Variants in SLC25A48 observed in about 807,000 individuals in gnomAD.
The protein encoded by SLC25A48 is solute carrier family 25 member 48, also known as CTC-321K16.1.
SLC25A48 carries 29 observed loss-of-function variants against 32.2 expected under a neutral mutation model. The ratio of observed to expected loss-of-function variants is 0.90; its 90% confidence interval spans 0.67 to 1.23. The LOEUF (loss-of-function observed/expected upper bound fraction) is 1.23, where lower values mean the gene tolerates loss of function less well. Ranked by LOEUF, SLC25A48 falls within the 50% of genes most tolerant of loss-of-function variation. SLC25A48 has a pLI of 0.00. For missense variants in SLC25A48, 399 were observed against 422.7 expected (o/e 0.94, Z 0.49); for synonymous variants, 164 against 172.3 (o/e 0.95, Z 0.38).
intron 3 of SLC25A48, among the ~76,000 whole-genome samples, chr5:135,757,429 TATC>T (rs913558405): frequency 2.0e-5 from 3 of 149,338 alleles, no homozygotes; most frequent in Non-Finnish European, 3.0e-5. Flanking sequence ...ATTGATAAAA[TATC>T]ATCTATATAT....
Position 135,871,867 on chromosome 5 carries a change from C to T in SLC25A48, c.679+149C>T, listed in dbSNP as rs763052219. 4 of 1,511,626 alleles carry T rather than the reference C, an allele frequency of 2.6e-6. No individual in the cohort carries two copies. In the Admixed American group the frequency reaches 6.5e-5, roughly 25 times the overall value. 93.6% of individuals were successfully genotyped at this position (1,511,626 alleles called of 1,614,324 possible). On this transcript the variant is annotated intron_variant, in intron 5 of 7. Transcript: ENST00000681962. ...ATTCTTTGTTAGGTACCTACTCTGT[C>T]CCCGGCCCTCTCCCACCTCAGTCTC...
intron 1 of SLC25A48, among the ~76,000 whole-genome samples, chr5:135,613,970 A>G (rs1322868792): frequency 6.6e-6 from 1 of 151,934 alleles, no homozygotes; most frequent in Non-Finnish European, 1.5e-5. Context: ...TTTTCTATTT[A>G]TGTGAAAAAT....
At chr5:135,590,639 G>A (rs1251635860) in intron 1 of SLC25A48, among the ~76,000 whole-genome samples, 4 of 152,158 alleles carry the variant, frequency 2.6e-5, no homozygotes, top group South Asian at 2.1e-4. Flanking sequence ...CTGGGGGACC[G>A]TAAAGCTTGA....
chr5:135,835,718 C>CCCATCTA (rs1758452178), intron 1 of SLC25A48, among the ~76,000 whole-genome samples: 1 of 143,608 alleles, frequency 7.0e-6, no homozygotes, highest in African/African-American at 2.7e-5. Context: ...TTTCTTTGGA[C>CCCATCTA]CCATCTAAAA....
chr5:135,872,626 T>C (rs1368822888), intron 5 of SLC25A48: 2 of 152,244 alleles, frequency 1.3e-5, no homozygotes, highest in Admixed American at 6.5e-5. Flanking sequence ...AGGGTTCTGC[T>C]ATGCTGTAAT....
chr5:135,862,269 T>G (rs1454336447), intron 4 of SLC25A48, among the ~76,000 whole-genome samples: 1 of 152,142 alleles, frequency 6.6e-6, no homozygotes, highest in Non-Finnish European at 1.5e-5. Context: ...TCTGGGAGTG[T>G]TTAGATCTGT....
chr5:135,640,123 A>G (rs1752797616), intron 3 of SLC25A48, among the ~76,000 whole-genome samples: 1 of 152,216 alleles, frequency 6.6e-6, no homozygotes. Context: ...CAATATCTAA[A>G]ATGAAAAATT....
chr5:135,621,526 A>C (rs1329592631), intron 1 of SLC25A48, among the ~76,000 whole-genome samples: 5 of 152,212 alleles, frequency 3.3e-5, no homozygotes. Context: ...AATAATAATA[A>C]AATAATAGTT....
chr5:135,797,248 T>C (rs1757207609), intron 3 of SLC25A48, among the ~76,000 whole-genome samples: 1 of 151,950 alleles, frequency 6.6e-6, no homozygotes, highest in African/African-American at 2.4e-5. Context: ...GTGGAGAGCA[T>C]GATATTACTC....
At chr5:135,819,557 G>A (rs1274396424) in intron 4 of SLC25A48, among the ~76,000 whole-genome samples, 2 of 152,148 alleles carry the variant, frequency 1.3e-5, no homozygotes, top group African/African-American at 2.4e-5. Flanking sequence ...AAATAATCTG[G>A]AGTGACAGCA....
chr5:135,758,787 A>G (rs1199114797), intron 3 of SLC25A48, among the ~76,000 whole-genome samples: 1 of 150,850 alleles, frequency 6.6e-6, no homozygotes, highest in Admixed American at 6.6e-5. Context: ...TTAATATATC[A>G]TCTGTGCTAT....
chr5:135,856,519 G>A (rs760912218), intron 4 of SLC25A48, among the ~76,000 whole-genome samples: 1 of 152,190 alleles, frequency 6.6e-6, no homozygotes, highest in Non-Finnish European at 1.5e-5. Flanking sequence ...TAAGCATGGT[G>A]CTGCTGCTCC....
Position 135,887,775 on chromosome 5 carries a change from A to ACCTGTGCTCTTGCAGGCAGCAGTGCCC in SLC25A48, c.*8-225_*8-199dup, listed in dbSNP as rs562964906. Among the ~76,000 whole-genome samples, 643 of 151,912 alleles carry ACCTGTGCTCTTGCAGGCAGCAGTGCCC rather than the reference A, an allele frequency of 4.2e-3. 3 individuals carry two copies. Among genetic ancestry groups the ACCTGTGCTCTTGCAGGCAGCAGTGCCC allele is most frequent in the Middle Eastern group, 0.024 (7 of 294 alleles). On this transcript the variant is annotated intron_variant, in intron 7 of 7. Transcript: ENST00000681962. The stretch of plus-strand genomic sequence containing the variant: ...TCCAGTTTCACGCAGGCCATCAGCC[A>ACCTGTGCTCTTGCAGGCAGCAGTGCCC]CCTGTGCTCTTGCAGGCAGCAGTGC...
chr5:135,888,080 T>G lies in SLC25A48; in HGVS notation c.*56T>G, dbSNP rs73287302. 4.8e-3 allele frequency: 7,405 copies of G among 1,551,620 alleles called. 297 individuals are homozygous for G. The African/African-American group carries it at 0.088, about 18-fold the overall frequency. ...GTGTTCCCTGGGCCTCATCTCTGCA[T>G]GTGAAGCCCTGAGAGCTGCAGATGT... On this transcript the variant is annotated 3_prime_UTR_variant, in exon 8 of 8. Transcript: ENST00000681962.
At chr5:135,611,689 G>A (rs570199856) in intron 1 of SLC25A48, among the ~76,000 whole-genome samples, 5 of 152,086 alleles carry the variant, frequency 3.3e-5, no homozygotes, top group Admixed American at 6.6e-5. Context: ...GCCCACCTGG[G>A]TGACAGTGTG....
intron 3 of SLC25A48, among the ~76,000 whole-genome samples, chr5:135,678,603 T>C (rs533663153): frequency 6.6e-6 from 1 of 152,364 alleles, no homozygotes; most frequent in East Asian, 1.9e-4. Context: ...TTTTTCATGT[T>C]GCCTGTGTCC....
intron 3 of SLC25A48, among the ~76,000 whole-genome samples, chr5:135,753,672 C>T (rs117577202): frequency 6.6e-6 from 1 of 151,452 alleles, no homozygotes; most frequent in African/African-American, 2.4e-5. Context: ...GATATTATGC[C>T]TAATATTACA....
intron 3 of SLC25A48, among the ~76,000 whole-genome samples, chr5:135,724,261 G>A (rs749578500): frequency 1.6e-4 from 25 of 152,226 alleles, no homozygotes; most frequent in Non-Finnish European, 2.6e-4. Context: ...AGTTGCCACT[G>A]TTATTGTCCT....
intron 3 of SLC25A48, among the ~76,000 whole-genome samples, chr5:135,697,542 C>T (rs1754297056): frequency 6.6e-6 from 1 of 152,216 alleles, no homozygotes; most frequent in Non-Finnish European, 1.5e-5. Context: ...GCTGGAAAAC[C>T]TCCTTTGCCA....
Sources: allele counts gnomAD v4.1 joint callset (sites outside exome capture counted in the v4.1 genomes callset), GRCh38; gene constraint gnomAD v4.1.1; transcripts MANE v1.5; gene names NCBI Gene and HGNC (gene_info 2026-07-23, HGNC 2026-07-21).